The following RXRA variants were observed in gnomAD, a reference collection of about 807,000 sequenced individuals.
RXRA encodes the protein retinoic acid receptor RXR-alpha.
Under a neutral mutation model 44.5 loss-of-function variants are expected in RXRA, and 5 were observed. The observed-to-expected ratio is 0.11, with a 90% CI of 0.06 to 0.24. The LOEUF (loss-of-function observed/expected upper bound fraction) is 0.24, where lower values mean the gene tolerates loss of function less well. RXRA is among the 10% of genes least tolerant of loss of function. The pLI is 1.00. For missense variants in RXRA, 412 were observed against 646.5 expected (o/e 0.64, Z 3.93); for synonymous variants, 291 against 271.4 (o/e 1.07, Z -0.71).
chr9:134,431,143 C>T (rs1034128741), intron 7 of RXRA, among the ~76,000 whole-genome samples: 1 of 152,240 alleles, frequency 6.6e-6, no homozygotes, highest in African/African-American at 2.4e-5. Flanking sequence ...CACCTCCTTT[C>T]CCCCGCTGTG....
chr9:134,346,125 G>A (rs1421302347), intron 1 of RXRA, among the ~76,000 whole-genome samples: 2 of 152,098 alleles, frequency 1.3e-5, no homozygotes, highest in East Asian at 1.9e-4. Flanking sequence ...AGGGTCCCTC[G>A]GCTCTACCAC....
chr9:134,373,141 T>G (rs926878048), intron 1 of RXRA, among the ~76,000 whole-genome samples: 2 of 152,110 alleles, frequency 1.3e-5, no homozygotes, highest in East Asian at 3.9e-4. Flanking sequence ...CACAGCCAAG[T>G]GGCCACAGAG....
intron 1 of RXRA, among the ~76,000 whole-genome samples, chr9:134,351,941 A>G (rs1830226805): frequency 6.6e-6 from 1 of 152,196 alleles, no homozygotes; most frequent in Non-Finnish European, 1.5e-5. Flanking sequence ...GTGTGCGTGC[A>G]TGTGGCATAT....
At chr9:134,326,706 C>A (rs1834917684) in intron 1 of RXRA, 47 bp downstream of exon 1, 2 of 569,038 alleles carry the variant, frequency 3.5e-6, no homozygotes, top group Non-Finnish European at 4.4e-6. Flanking sequence ...GGGCCGGGGG[C>A]CGGCGGGCGG....
intron 1 of RXRA, among the ~76,000 whole-genome samples, chr9:134,390,798 G>A (rs1564282001): frequency 6.6e-6 from 1 of 152,160 alleles, no homozygotes; most frequent in Non-Finnish European, 1.5e-5. Context: ...GTCTGCAGAT[G>A]CCCCGCCAGT....
In RXRA at chr9:134,426,664, C is replaced by A; in HGVS notation, c.911-2444C>A. 1.0e-6 allele frequency: 1 copy of A among 985,434 alleles called. No individual in the cohort carries two copies. Among genetic ancestry groups the A allele is most frequent in the Non-Finnish European group, 1.2e-6 (1 of 829,926 alleles). 61.0% of individuals were successfully genotyped at this position (985,434 alleles called of 1,614,324 possible). ...CCAGAGTTTCAGAGGCGAGTCTACC[C>A]TGGTGCCTGCTGGGTGGCCTCAGGG... On this transcript the variant is annotated intron_variant, in intron 6 of 9. Transcript: ENST00000481739. The surrounding 1 kb of genome is among the most constrained non-coding windows in gnomAD (Gnocchi z 4.6).
At chr9:134,429,967 G>A (rs544242465) in intron 7 of RXRA, among the ~76,000 whole-genome samples, 50 of 152,148 alleles carry the variant, frequency 3.3e-4, no homozygotes, top group African/African-American at 1.1e-3. Context: ...CTCACTGCAA[G>A]CTCCGCCTCC....
chr9:134,333,492 G>T (rs1033649374), intron 1 of RXRA, among the ~76,000 whole-genome samples: 4 of 152,138 alleles, frequency 2.6e-5, no homozygotes, highest in Non-Finnish European at 5.9e-5. Flanking sequence ...GTGCGTGCGG[G>T]GTCTGGAGCC....
chr9:134,389,092 C>T (rs1564281368), intron 1 of RXRA, among the ~76,000 whole-genome samples: 1 of 152,202 alleles, frequency 6.6e-6, no homozygotes, highest in African/African-American at 2.4e-5. Flanking sequence ...GGGTCCTCCT[C>T]GGAGAGTCAC....
chr9:134,409,162 A>T (rs898416305), intron 4 of RXRA, 43 bp downstream of exon 4: 2 of 1,494,378 alleles, frequency 1.3e-6, no homozygotes, highest in African/African-American at 2.8e-5. Flanking sequence ...GGTGTTGGAC[A>T]AACAGTGGGG....
chr9:134,390,243 C>T (rs1303568442), intron 1 of RXRA, among the ~76,000 whole-genome samples: 1 of 152,166 alleles, frequency 6.6e-6, no homozygotes, highest in Non-Finnish European at 1.5e-5. Flanking sequence ...GGCCCGGGTG[C>T]CCCTAGAAGT....
At chr9:134,401,285 C>T in intron 1 of RXRA, 1 of 354,686 alleles carries the variant, frequency 2.8e-6, no homozygotes, top group South Asian at 2.9e-5. Context: ...CCACCAGCCA[C>T]TCCTCCCACT....
chr9:134,369,702 G>C (rs893354434), intron 1 of RXRA, among the ~76,000 whole-genome samples: 1 of 151,986 alleles, frequency 6.6e-6, no homozygotes, highest in East Asian at 1.9e-4. Context: ...TGACCTGCTC[G>C]GTGGCCTTGG....
chr9:134,389,191 C>T (rs563723483), intron 1 of RXRA, among the ~76,000 whole-genome samples: 3 of 152,340 alleles, frequency 2.0e-5, no homozygotes, highest in Admixed American at 6.5e-5. Flanking sequence ...ACGTTGTTGC[C>T]ATTTCACGGA....
In RXRA at chr9:134,417,807, G is replaced by A. The variant is rs138570764; in HGVS notation, c.780+480G>A. ...GGCCCTGGGCAGGTGCCCGGCAGTC[G>A]CGGTGGCTGCTGTTGATACAGGAAG... On this transcript the variant is annotated intron_variant, in intron 5 of 9. Coordinates refer to ENST00000481739, the MANE Select transcript of RXRA (RefSeq NM_002957.6). The surrounding 1 kb of genome is among the most constrained non-coding windows in gnomAD (Gnocchi z 6.1). Among the ~76,000 whole-genome samples, 1,097 of 152,176 alleles carry A rather than the reference G, an allele frequency of 7.2e-3. 14 individuals carry two copies. The highest frequency in any genetic ancestry group is 0.025 in the African/African-American group (1,046 of 41,526).
rs1282148409 is a variant in RXRA at position 134,343,815 on chromosome 9, TG to T, written c.28+17160del. Among the ~76,000 whole-genome samples the T allele has an allele frequency of 6.6e-6, 1 of 152,128 alleles. No individual in the cohort carries two copies. Among genetic ancestry groups the T allele is most frequent in the Non-Finnish European group, 1.5e-5 (1 of 68,002 alleles). On this transcript the variant is annotated intron_variant, in intron 1 of 9. Transcript: ENST00000481739. The surrounding 1 kb of genome is among the most constrained non-coding windows in gnomAD (Gnocchi z 4.1). The stretch of plus-strand genomic sequence containing the variant: ...TCAAGCAGAGGATCTTCTGCAACTG[TG>T]GGGAAGAGTGTTTCTTCCCGGAAGG...
At chr9:134,351,618 G>T (rs1223658962) in intron 1 of RXRA, among the ~76,000 whole-genome samples, 1 of 152,242 alleles carries the variant, frequency 6.6e-6, no homozygotes, top group Admixed American at 6.5e-5. Flanking sequence ...GGAGGGTGCC[G>T]GCTCCGTTTC....
chr9:134,356,940 C>G (rs1273221001), intron 1 of RXRA, among the ~76,000 whole-genome samples: 1 of 152,238 alleles, frequency 6.6e-6, no homozygotes, highest in East Asian at 1.9e-4. Flanking sequence ...CTCAGCAGCC[C>G]TGGAGGTGGC....
chr9:134,388,286 T>TGTGTGTGTGTGTGTGA lies in RXRA; in HGVS notation c.29-13339_29-13338insTGTGTGTGAGTGTGTG, dbSNP rs71381810. On this transcript the variant is annotated intron_variant, in intron 1 of 9. Coordinates refer to ENST00000481739, the MANE Select transcript of RXRA (RefSeq NM_002957.6). The stretch of plus-strand genomic sequence containing the variant: ...TTGGTGTTCTCAGCTAGAAGCAGTG[T>TGTGTGTGTGTGTGTGA]GTGTGTGAGTGTGTATGTGCATTTG... Among the ~76,000 whole-genome samples, 301 of 150,996 alleles carry TGTGTGTGTGTGTGTGA rather than the reference T, an allele frequency of 2.0e-3. 6 individuals carry two copies. Among genetic ancestry groups the TGTGTGTGTGTGTGTGA allele is most frequent in the Non-Finnish European group, 1.8e-3 (122 of 67,686 alleles).
Sources: gnomAD v4.1 joint callset for allele counts (sites outside exome capture counted in the v4.1 genomes callset) on GRCh38, gnomAD v4.1.1 for gene constraint, Gnocchi (gnomAD v3.1) non-coding constraint, MANE v1.5 for transcripts, NCBI Gene and HGNC (gene_info 2026-07-23, HGNC 2026-07-21) for gene names.